NQO1: variants seen among roughly 807,000 people sequenced by gnomAD.
The protein encoded by NQO1 is NAD(P)H dehydrogenase [quinone] 1.
In NQO1, 30 loss-of-function variants were observed where a neutral mutation model predicts 32.1. That is an observed-to-expected ratio of 0.94 (90% confidence interval 0.70 to 1.27). The LOEUF (loss-of-function observed/expected upper bound fraction) is 1.27. Among genes scored for constraint, NQO1 ranks in the 50% most tolerant of loss-of-function variants. NQO1 has a pLI of 0.00. For missense variants in NQO1, 276 were observed against 331.3 expected, an observed-to-expected ratio of 0.83 and a Z score of 1.30; for synonymous variants, 109 against 119.7, an observed-to-expected ratio of 0.91 and a Z score of 0.59.
At chr16:69,720,748 G>A (rs2038178444) in intron 1 of NQO1, among the ~76,000 whole-genome samples, 1 of 152,134 alleles carries the variant, frequency 6.6e-6, no homozygotes, top group Non-Finnish European at 1.5e-5. Context: ...ATGGCAAAGA[G>A]GTACAGGTAG....
chr16:69,719,330 G>A (rs2038160066), intron 1 of NQO1, among the ~76,000 whole-genome samples: 1 of 152,164 alleles, frequency 6.6e-6, no homozygotes, highest in Non-Finnish European at 1.5e-5. Flanking sequence ...GGGGGAATCT[G>A]TTCTACAGAC....
intron 1 of NQO1, among the ~76,000 whole-genome samples, chr16:69,719,824 G>T (rs1329308746): frequency 6.6e-6 from 1 of 151,174 alleles, no homozygotes; most frequent in Admixed American, 6.6e-5. Context: ...AAAAGAATGA[G>T]TTAAACTGGC....
At chr16:69,711,427 C>T (rs1161307954) in intron 5 of NQO1, 146 bp from the exon 6 acceptor site, 1 of 672,966 alleles carries the variant, frequency 1.5e-6, no homozygotes, top group East Asian at 2.6e-5. Flanking sequence ...GAGCTAGCGT[C>T]TCTCTCTTAC....
chr16:69,720,634 G>A (rs565869008), intron 1 of NQO1, among the ~76,000 whole-genome samples: 16 of 149,218 alleles, frequency 1.1e-4, no homozygotes, highest in Admixed American at 2.0e-4. Flanking sequence ...AGGTTCAAGC[G>A]ATTCTCCTGC....
At chr16:69,725,426 G>A (rs1182014862) in intron 1 of NQO1, among the ~76,000 whole-genome samples, 2 of 152,202 alleles carry the variant, frequency 1.3e-5, no homozygotes, top group East Asian at 3.8e-4. Context: ...TGTCTCAGCT[G>A]GTTATTTATG....
intron 5 of NQO1, among the ~76,000 whole-genome samples, 197 bp from the exon 6 acceptor site, chr16:69,711,478 GTTC>G (rs142938242): frequency 0.023 from 3,560 of 152,192 alleles, 62 homozygotes; most frequent in Non-Finnish European, 0.036. Context: ...TCTCAGGTGT[GTTC>G]TTCTTTAAAT....
At position 69,718,959 on chromosome 16, in the gene NQO1, C is replaced by T. The variant is rs1211812216; in HGVS notation, c.8-425G>A. 3.3e-5 allele frequency among the ~76,000 whole-genome samples: 5 copies of T among 149,772 alleles called. No homozygotes were observed. In the Admixed American group the frequency reaches 3.4e-4, roughly 10 times the overall value. Reference sequence around the variant, plus strand: ...CTGAGGCAGGAGAATCACTTGAACTCGGGAGGGGGAGGTTGCAGTGAGCCA... The same window carrying T: ...CTGAGGCAGGAGAATCACTTGAACTTGGGAGGGGGAGGTTGCAGTGAGCCA... On this transcript the variant is annotated intron_variant, in intron 1 of 5. Transcript: ENST00000320623.
intron 3 of NQO1, 109 bp downstream of exon 3, chr16:69,718,014 G>C (rs1366381693): frequency 7.1e-7 from 1 of 1,403,026 alleles, no homozygotes. Flanking sequence ...TATTTGCAGA[G>C]AATGCAGTAA....
rs559442647 is a variant in NQO1, at chr16:69,718,861, C to G, written c.8-327G>C. ...ACCAGCCTGGCCAACATGGTGAAAC[C>G]CTGTCTCTACTAAAAATACAAAAAT... On this transcript the variant is annotated intron_variant, in intron 1 of 5. Coordinates refer to ENST00000320623, the MANE Select transcript of NQO1 (RefSeq NM_000903.3). Among the ~76,000 whole-genome samples the G allele has an allele frequency of 2.2e-3, 336 of 152,130 alleles. 2 individuals are homozygous for G. Among genetic ancestry groups the G allele is most frequent in the South Asian group, 5.6e-3 (27 of 4,820 alleles).
chr16:69,713,378 C>T (rs1252367698), intron 4 of NQO1, among the ~76,000 whole-genome samples: 1 of 152,220 alleles, frequency 6.6e-6, no homozygotes, highest in Non-Finnish European at 1.5e-5. Flanking sequence ...TAGGACGAGG[C>T]TGTCACCATA....
intron 5 of NQO1, among the ~76,000 whole-genome samples, chr16:69,711,658 T>C (rs962693345): frequency 1.9e-4 from 28 of 150,112 alleles, no homozygotes; most frequent in Non-Finnish European, 3.6e-4. Flanking sequence ...CTTTTTCTTT[T>C]TTTTTTTTTT....
At chr16:69,718,316 G>A in intron 2 of NQO1, 54 bp downstream of exon 2, 1 of 1,613,462 alleles carries the variant, frequency 6.2e-7, no homozygotes, top group Non-Finnish European at 8.5e-7. Context: ...AGGACCCACA[G>A]GCAAGGAGAT....
chr16:69,711,072 T>C lies in NQO1; in HGVS notation c.729A>G (p.Val243=), dbSNP rs1336807766. The change falls in exon 6 of 6, where the codon GTA becomes GTG. Residue 243 remains valine, a synonymous_variant. Coordinates refer to ENST00000320623, the MANE Select transcript of NQO1 (RefSeq NM_000903.3). The part of the protein sequence containing the change: ...FQAGFLMKKE[V]QDEEKNKKFG... The stretch of plus-strand genomic sequence containing the variant: ...ATTTCTTGTTTTTCTCCTCATCCTG[T>C]ACCTCTTTTTTCATTAAGAATCCTG... 6.2e-7 allele frequency: 1 copy of C among 1,614,224 alleles called. No individual in the cohort carries two copies. Among genetic ancestry groups the C allele is most frequent in the Non-Finnish European group, 8.5e-7 (1 of 1,180,028 alleles).
chr16:69,726,324 G>T, intron 1 of NQO1, 109 bp downstream of exon 1: 1 of 1,457,190 alleles, frequency 6.9e-7, no homozygotes, highest in Non-Finnish European at 9.4e-7. Context: ...TTCCCTTTGT[G>T]GGTTTTGAGT....
chr16:69,718,474 T>C lies in NQO1; in HGVS notation c.68A>G (p.Lys23Arg), dbSNP rs767910438. ...CTTCAAAGCCGCTGCAGCAGCCTCC[T>C]TCATGGCATAGTTGAAGGACGTCCT... ...SERTSFNYAM[K>R]EAAAAALKKK... is the part of the protein sequence containing the mutation. The change falls in exon 2 of 6, where the codon AAG becomes AGG. Residue 23 changes from lysine (K) to arginine (R), a missense_variant. Transcript: ENST00000320623. 6.2e-7 allele frequency: 1 copy of C among 1,614,188 alleles called. No individual in the cohort carries two copies. Among genetic ancestry groups the C allele is most frequent in the South Asian group, 1.1e-5 (1 of 91,088 alleles).
chr16:69,717,611 T>C (rs116167264), intron 3 of NQO1, among the ~76,000 whole-genome samples: 1,761 of 151,286 alleles, frequency 0.012, 26 homozygotes, highest in African/African-American at 0.037. Flanking sequence ...TTCTTTCTTT[T>C]TTTTTTTTTT....
intron 4 of NQO1, among the ~76,000 whole-genome samples, chr16:69,713,882 G>GTTTTTTTTTT (rs1567630606): frequency 8.1e-6 from 1 of 123,574 alleles, no homozygotes; most frequent in Non-Finnish European, 1.7e-5. Flanking sequence ...TTTTTTTTTT[G>GTTTTTTTTTT]TTTTTGTTTT....
intron 1 of NQO1, among the ~76,000 whole-genome samples, chr16:69,725,028 G>C (rs1319044115): frequency 1.3e-5 from 2 of 152,216 alleles, no homozygotes; most frequent in East Asian, 3.8e-4. Flanking sequence ...TTGGAGGAGA[G>C]GGTGCCAGTG....
At chr16:69,724,127 A>G (rs2038229442) in intron 1 of NQO1, among the ~76,000 whole-genome samples, 1 of 151,888 alleles carries the variant, frequency 6.6e-6, no homozygotes, top group East Asian at 1.9e-4. Flanking sequence ...CAGCCTGGCC[A>G]ACATGGTGAA....
Sources: gnomAD v4.1 joint callset for allele counts (sites outside exome capture counted in the v4.1 genomes callset) on GRCh38, gnomAD v4.1.1 for gene constraint, MANE v1.5 for transcripts, NCBI Gene and HGNC (gene_info 2026-07-23, HGNC 2026-07-21) for gene names.